Variants in ATAD3C observed in about 807,000 individuals in gnomAD.
The protein encoded by ATAD3C is ATPase family AAA domain containing 3C, also known as ATPase family AAA domain-containing protein 3C.
A neutral mutation model predicts 46.3 loss-of-function variants in ATAD3C; 38 were observed. The ratio of observed to expected loss-of-function variants is 0.82; its 90% CI spans 0.63 to 1.08. The LOEUF (loss-of-function observed/expected upper bound fraction) is 1.08. Among genes scored for constraint, ATAD3C ranks in the 50% least tolerant of loss-of-function variants. The pLI is 0.00. For synonymous variants in ATAD3C, 220 were observed against 236.4 expected (o/e 0.93, Z 0.63); for missense variants, 563 against 572.7 (o/e 0.98, Z 0.17).
rs552345395 is a variant in ATAD3C, at chr1:1,457,141, T to C, written c.702T>C (p.Phe234=). 346 of 1,613,494 alleles carry C rather than the reference T, an allele frequency of 2.1e-4. 1 individual carries two copies. In the African/African-American group the frequency reaches 4.2e-3, roughly 19 times the overall value. ...ANTSRRGLLL[F]VDEADAFLRK... is the part of the protein sequence containing the mutation. ...CTCTCGTCCACAGCCTCCTGCTCTT[T>C]GTGGATGAAGCGGACGCCTTCCTTC... Residue 234 remains phenylalanine (F), a synonymous_variant, in exon 8 of 12, where the codon TTT becomes TTC. Transcript: ENST00000378785.
intron 1 of ATAD3C, among the ~76,000 whole-genome samples, chr1:1,451,058 T>C (rs1364908871): frequency 6.6e-6 from 1 of 151,596 alleles, no homozygotes; most frequent in African/African-American, 2.4e-5. Flanking sequence ...TTTTTTTTTT[T>C]GAGATGGTGT....
At chr1:1,458,782 G>C (rs1570151815) in intron 8 of ATAD3C, among the ~76,000 whole-genome samples, 1 of 151,486 alleles carries the variant, frequency 6.6e-6, no homozygotes, top group East Asian at 1.9e-4. Context: ...GAGTGCAGCG[G>C]TGCCATTTCA....
At chr1:1,457,095 C>G (rs781678489) in intron 7 of ATAD3C, 34 bp from the exon 8 acceptor site, 8 of 1,612,372 alleles carry the variant, frequency 5.0e-6, no homozygotes, top group Non-Finnish European at 5.9e-6. Flanking sequence ...CCTGGCATCA[C>G]TCTCACCCAG....
rs1056720547 is a variant in ATAD3C, at chr1:1,451,432, T to C, written c.76-614T>C. On this transcript the variant is annotated intron_variant, in intron 1 of 11. Transcript: ENST00000378785. ...TGCGATCTCAGCTCACCGCAACCTC[T>C]GCCTCCTGGGTTCAAGCCATTCTCC... 5.3e-5 allele frequency among the ~76,000 whole-genome samples: 8 copies of C among 151,452 alleles called. No homozygotes were observed. In the South Asian group the frequency reaches 1.7e-3, roughly 32 times the overall value.
chr1:1,462,368 C>G lies in ATAD3C; in HGVS notation c.981-232C>G, dbSNP rs1639082862. On this transcript the variant is annotated intron_variant, in intron 10 of 11. Transcript: ENST00000378785. This position sits in a 1 kb window ranked among gnomAD's most constrained non-coding sequence, Gnocchi z 4.5. ...CCCTGTGGGTGCTGAGTGGACAGGGCTGGTGTTAGGAAGGGGTGCGGCCAT... is the reference window on the plus strand; with the variant it reads ...CCCTGTGGGTGCTGAGTGGACAGGGGTGGTGTTAGGAAGGGGTGCGGCCAT... 2.1e-6 allele frequency: 1 copy of G among 470,234 alleles called. No homozygotes were observed. Among genetic ancestry groups the G allele is most frequent in the African/African-American group, 2.0e-5 (1 of 50,222 alleles). 29.1% of individuals were successfully genotyped at this position (470,234 alleles called of 1,614,324 possible).
intron 8 of ATAD3C, among the ~76,000 whole-genome samples, chr1:1,458,330 A>C (rs942519479): frequency 6.6e-6 from 1 of 151,280 alleles, no homozygotes; most frequent in African/African-American, 2.4e-5. Context: ...GCTGGAGTGC[A>C]ATGGCGCGAT....
At chr1:1,455,570 C>T (rs1257759340) in intron 5 of ATAD3C, 51 bp downstream of exon 5, 8 of 1,610,098 alleles carry the variant, frequency 5.0e-6, no homozygotes, top group Non-Finnish European at 2.5e-6. Flanking sequence ...GACCCCGGAG[C>T]TGGGCTGGGC....
intron 11 of ATAD3C, among the ~76,000 whole-genome samples, chr1:1,466,610 C>T (rs1193699173): frequency 6.7e-6 from 1 of 150,262 alleles, no homozygotes; most frequent in Non-Finnish European, 1.5e-5. Context: ...CATGTGGTTT[C>T]CTTCCTCCAC....
rs763003029 is a variant in ATAD3C, at chr1:1,462,191, C to G, written c.981-409C>G. On this transcript the variant is annotated intron_variant, in intron 10 of 11. Coordinates refer to ENST00000378785, the MANE Select transcript of ATAD3C (RefSeq NM_001039211.3). The surrounding 1 kb of genome is among the most constrained non-coding windows in gnomAD (Gnocchi z 4.5). ...TCCATGCTAGACCAGCTTTCCGGGT[C>G]TCAGTTTCCCTATGCCCTCCCCTTC... is the stretch of plus-strand genomic sequence containing the variant. Among the ~76,000 whole-genome samples, 4 of 152,056 alleles carry G rather than the reference C, an allele frequency of 2.6e-5. No homozygotes were observed. The highest frequency in any genetic ancestry group is 4.4e-5 in the Non-Finnish European group (3 of 67,988).
Position 1,455,789 on chromosome 1 carries a change from A to C in ATAD3C, c.439-2A>C, listed in dbSNP as rs774838780. The C allele has an allele frequency of 7.4e-6, 12 of 1,613,194 alleles. No homozygotes were observed. The South Asian group carries it at 1.2e-4, about 16-fold the overall frequency. ...CCTCCAAGCCCCTGTCTTCCTCGGCAGCCCAGCCTGGAAGCACGGGTGCGC... is the reference window on the plus strand; with the variant it reads ...CCTCCAAGCCCCTGTCTTCCTCGGCCGCCCAGCCTGGAAGCACGGGTGCGC... On this transcript the variant is annotated splice_acceptor_variant, in intron 5 of 11. Transcript: ENST00000378785. LOFTEE classifies it high-confidence loss of function.
At chr1:1,451,168 G>A (rs1289809081) in intron 1 of ATAD3C, among the ~76,000 whole-genome samples, 1 of 151,356 alleles carries the variant, frequency 6.6e-6, no homozygotes, top group Admixed American at 6.6e-5. Flanking sequence ...AGCCTCCTGA[G>A]GAGCTGGGAC....
intron 11 of ATAD3C, among the ~76,000 whole-genome samples, chr1:1,463,577 G>T (rs141698028): frequency 6.6e-6 from 1 of 151,960 alleles, no homozygotes; most frequent in South Asian, 2.1e-4. Flanking sequence ...CTCTGTTCCA[G>T]GCCATCCCCA....
chr1:1,467,410 C>T (rs1054883046), intron 11 of ATAD3C, among the ~76,000 whole-genome samples: 6 of 151,954 alleles, frequency 3.9e-5, no homozygotes, highest in Admixed American at 1.3e-4. Flanking sequence ...CGCTCCCGGG[C>T]CCCCGACCCA....
At chr1:1,455,216 C>CAAAAAAAAAA (rs56939451) in intron 4 of ATAD3C, among the ~76,000 whole-genome samples, 6 of 49,280 alleles carry the variant, frequency 1.2e-4, no homozygotes, top group Non-Finnish European at 2.6e-4. Flanking sequence ...GACTCCGTCT[C>CAAAAAAAAAA]AAAAAAAAAA....
chr1:1,462,722 G>T lies in ATAD3C; in HGVS notation c.1089+14G>T. 6.3e-7 allele frequency: 1 copy of T among 1,591,796 alleles called. No homozygotes were observed. Among genetic ancestry groups the T allele is most frequent in the Non-Finnish European group, 8.6e-7 (1 of 1,169,294 alleles). ...GTGTCCTGGCAGGTGAGTCAGGCTC[G>T]GGTGCACCCACCCAGATGGAAGCCC... On this transcript the variant is annotated intron_variant, in intron 11 of 11. Transcript: ENST00000378785. The surrounding 1 kb of genome is among the most constrained non-coding windows in gnomAD (Gnocchi z 4.5).
chr1:1,452,433 C>T lies in ATAD3C; in HGVS notation c.221C>T (p.Thr74Met), dbSNP rs377228484. The T allele has an allele frequency of 1.8e-5, 29 of 1,613,568 alleles. 1 individual carries two copies. The highest frequency in any genetic ancestry group is 8.3e-5 in the Admixed American group (5 of 59,946). ...FVTDRDKVTA[T>M]VAGLTLLAVG... ...ACAGACCGGGACAAAGTGACAGCCA[C>T]GGTAAACATACTCATAAAACAGGGC... The change falls in exon 3 of 12, where the codon ACG (threonine) becomes ATG (methionine). Residue 74 changes from threonine to methionine, a missense_variant and splice_region_variant. Around this residue, in one of 3 missense-constraint regions of ATAD3C, gnomAD observed 263 missense variants for 243.1 expected, o/e 1.08. Coordinates refer to ENST00000378785, the MANE Select transcript of ATAD3C (RefSeq NM_001039211.3).
chr1:1,456,904 C>T (rs143433574), intron 7 of ATAD3C, among the ~76,000 whole-genome samples: 15 of 152,080 alleles, frequency 9.9e-5, no homozygotes, highest in South Asian at 6.3e-4. Flanking sequence ...GGACTCTAAG[C>T]GGCCACCAGC....
At chr1:1,466,765 C>G (rs1006984766) in intron 11 of ATAD3C, among the ~76,000 whole-genome samples, 2 of 151,778 alleles carry the variant, frequency 1.3e-5, no homozygotes, top group Non-Finnish European at 2.9e-5. Context: ...CTCCTGAATT[C>G]GTTTTGCTGG....
In ATAD3C at chr1:1,456,209, C is replaced by T. The variant is rs1250969712; in HGVS notation, c.565-16C>T. The T allele has an allele frequency of 1.3e-6, 2 of 1,504,930 alleles. No homozygotes were observed. The highest frequency in any genetic ancestry group is 2.0e-5 in the African/African-American group (1 of 50,602). The allele number at this position is 1,504,930 out of a possible 1,614,324, so 93.2% of individuals were successfully genotyped here. A position where few individuals can be genotyped will look rare whatever the true frequency, so the allele number is the denominator to read the frequency against. ...AGGGAACATCTGTTCTGTCTCCCCT[C>T]ACTCTTCTTGTCCAGAAACTCGCCC... is the stretch of plus-strand genomic sequence containing the variant. On this transcript the variant is annotated splice_polypyrimidine_tract_variant and intron_variant, in intron 6 of 11. Coordinates refer to ENST00000378785, the MANE Select transcript of ATAD3C (RefSeq NM_001039211.3).
Sources: allele counts gnomAD v4.1 joint callset (sites outside exome capture counted in the v4.1 genomes callset), GRCh38; gene constraint gnomAD v4.1.1; regional missense constraint gnomAD v4.1.1; non-coding constraint Gnocchi (gnomAD v3.1); transcripts MANE v1.5; gene names NCBI Gene and HGNC (gene_info 2026-07-23, HGNC 2026-07-21).